The following ACACA variants were observed in gnomAD, a reference collection of about 807,000 sequenced individuals.
ACACA encodes the protein acetyl-CoA carboxylase alpha.
In ACACA, 103 loss-of-function variants were observed where a neutral mutation model predicts 296.1. The ratio of observed to expected loss-of-function variants is 0.35; its 90% CI spans 0.30 to 0.41. The LOEUF is 0.41. Among genes scored for constraint, ACACA ranks in the 10% least tolerant of loss-of-function variants. ACACA has a pLI of 1.00. For synonymous variants in ACACA, 953 were observed against 1,038.6 expected (o/e 0.92, Z 1.58); for missense variants, 1,554 against 2,989.7 (o/e 0.52, Z 11.20).
At chr17:37,236,862 A>C (rs914197073) in intron 24 of ACACA, among the ~76,000 whole-genome samples, 5 of 152,140 alleles carry the variant, frequency 3.3e-5, no homozygotes, top group Non-Finnish European at 7.4e-5. Flanking sequence ...AAAACAAAAC[A>C]AAACAGTTTA....
At chr17:37,226,677 T>C (rs1184561426) in intron 25 of ACACA, among the ~76,000 whole-genome samples, 1 of 152,218 alleles carries the variant, frequency 6.6e-6, no homozygotes, top group South Asian at 2.1e-4. Flanking sequence ...ATTCCTAATG[T>C]ATTTCCTTAT....
rs200503764 is a variant in ACACA at position 37,377,876 on chromosome 17, C to T, written c.38+28386G>A. 1.0e-4 allele frequency: 163 copies of T among 1,613,246 alleles called. No individual in the cohort carries two copies. In the African/African-American group the frequency reaches 1.8e-3, roughly 18 times the overall value. Reference sequence around the variant, plus strand: ...CCCCTCCTCCCCCTCTGCTCACCCCCAGACCTCAGAGATAGCAGTTGCCGA... The same window carrying T: ...CCCCTCCTCCCCCTCTGCTCACCCCTAGACCTCAGAGATAGCAGTTGCCGA... On this transcript the variant is annotated intron_variant, in intron 1 of 55. Coordinates refer to ENST00000616317, the MANE Select transcript of ACACA (RefSeq NM_198834.3).
At chr17:37,112,598 T>C (rs1305731858) in intron 51 of ACACA, among the ~76,000 whole-genome samples, 1 of 152,134 alleles carries the variant, frequency 6.6e-6, no homozygotes, top group Admixed American at 6.5e-5. Flanking sequence ...AAGTACAGAA[T>C]GTAAATAATA....
At chr17:37,310,274 A>G (rs1324990342) in intron 3 of ACACA, among the ~76,000 whole-genome samples, 1 of 152,178 alleles carries the variant, frequency 6.6e-6, no homozygotes, top group Non-Finnish European at 1.5e-5. Context: ...TGGTTTGAGC[A>G]GAGTGGCTGG....
Position 37,330,389 on chromosome 17 carries a change from G to A in ACACA, c.122C>T (p.Pro41Leu). 3 of 1,614,184 alleles carry A rather than the reference G, an allele frequency of 1.9e-6. No individual in the cohort carries two copies. The highest frequency in any genetic ancestry group is 1.1e-5 in the South Asian group (1 of 91,086). Residue 41 changes from proline to leucine, a missense_variant, in exon 3 of 56, where the codon CCA becomes CTA. Coordinates refer to ENST00000616317, the MANE Select transcript of ACACA (RefSeq NM_198834.3). The stretch of plus-strand genomic sequence containing the variant: ...CTCCAGAGGTTGGGCCAAGGGAGAT[G>A]GTTCATCCATTATTCCTCCAAAATG... ...RAHFGGIMDE[P>L]SPLAQPLELN...
chr17:37,299,451 T>G (rs2083512193), intron 3 of ACACA: 2 of 1,581,282 alleles, frequency 1.3e-6, no homozygotes, highest in Non-Finnish European at 1.7e-6. Flanking sequence ...ATACTGTGCC[T>G]TCTGCCTGGC....
At chr17:37,337,338 C>T (rs897531735) in intron 2 of ACACA, among the ~76,000 whole-genome samples, 10 of 151,412 alleles carry the variant, frequency 6.6e-5, no homozygotes, top group African/African-American at 2.4e-4. Context: ...ATCGTTTGAG[C>T]CCAGGAGTTC....
At chr17:37,399,305 G>A (rs2051203592) in intron 1 of ACACA, among the ~76,000 whole-genome samples, 1 of 152,128 alleles carries the variant, frequency 6.6e-6, no homozygotes, top group Non-Finnish European at 1.5e-5. Context: ...GTGATAAGGA[G>A]TGGAGACAGA....
At chr17:37,208,445 C>T (rs1242316541) in intron 30 of ACACA, among the ~76,000 whole-genome samples, 1 of 152,132 alleles carries the variant, frequency 6.6e-6, no homozygotes, top group African/African-American at 2.4e-5. Flanking sequence ...ATTGGGGTTA[C>T]AGTTCTCCCT....
Position 37,113,298 on chromosome 17 carries a change from A to T in ACACA, c.6275-33T>A. The T allele has an allele frequency of 6.2e-7, 1 of 1,605,120 alleles. No homozygotes were observed. The highest frequency in any genetic ancestry group is 8.5e-7 in the Non-Finnish European group (1 of 1,172,892). ...GAATGAGACAAATTAGAAATCAAGA[A>T]ATTTCTCTTCCTCAAAGCAGTACTT... is the stretch of plus-strand genomic sequence containing the variant. On this transcript the variant is annotated intron_variant, in intron 50 of 55. Transcript: ENST00000616317. This position sits in a 1 kb window ranked among gnomAD's most constrained non-coding sequence, Gnocchi z 4.0.
intron 41 of ACACA, among the ~76,000 whole-genome samples, chr17:37,175,199 T>C (rs1372208910): frequency 1.3e-5 from 2 of 152,212 alleles, no homozygotes; most frequent in Non-Finnish European, 2.9e-5. Context: ...AGAATGCTAG[T>C]AACTTATTTC....
In ACACA at chr17:37,258,351, T is replaced by C. The variant is rs746760726; in HGVS notation, c.1523A>G (p.Tyr508Cys). 6.2e-7 allele frequency: 1 copy of C among 1,613,946 alleles called. No individual in the cohort carries two copies. Among genetic ancestry groups the C allele is most frequent in the Non-Finnish European group, 8.5e-7 (1 of 1,179,940 alleles). Reference sequence around the variant, plus strand: ...CATCATACGGATATCCTTGATTCTATATAGAGGAATCCCCATGGCAATCTG... The same window carrying C: ...CATCATACGGATATCCTTGATTCTACATAGAGGAATCCCCATGGCAATCTG... ...QLQIAMGIPL[Y>C]RIKDIRMMYG... The change falls in exon 13 of 56, where the codon TAT becomes TGT. Residue 508 changes from tyrosine (Y) to cysteine (C), a missense_variant. Coordinates refer to ENST00000616317, the MANE Select transcript of ACACA (RefSeq NM_198834.3).
At chr17:37,276,944 G>C (rs2082307312) in intron 7 of ACACA, 89 bp downstream of exon 7, 2 of 1,135,470 alleles carry the variant, frequency 1.8e-6, no homozygotes, top group African/African-American at 3.0e-5. Flanking sequence ...CCCAGCACAT[G>C]TTAAACAGAA....
At chr17:37,121,609 C>T in intron 49 of ACACA, 119 bp from the exon 50 acceptor site, 7 of 1,274,920 alleles carry the variant, frequency 5.5e-6, no homozygotes, top group Non-Finnish European at 6.7e-6. Flanking sequence ...TCAACAAAAA[C>T]TATTGTTCAT....
intron 35 of ACACA, among the ~76,000 whole-genome samples, chr17:37,194,404 C>T (rs1003285630): frequency 2.0e-5 from 3 of 152,110 alleles, no homozygotes; most frequent in African/African-American, 7.2e-5. Flanking sequence ...TCTCAACAAC[C>T]TCTAGGGGTA....
At chr17:37,236,296 T>G (rs2080107871) in intron 24 of ACACA, among the ~76,000 whole-genome samples, 1 of 152,184 alleles carries the variant, frequency 6.6e-6, no homozygotes, top group African/African-American at 2.4e-5. Flanking sequence ...AAGACACATT[T>G]AGACCAAAAG....
At chr17:37,211,423 C>G (rs143995640) in intron 29 of ACACA, among the ~76,000 whole-genome samples, 128 of 152,284 alleles carry the variant, frequency 8.4e-4, no homozygotes, top group African/African-American at 2.9e-3. Flanking sequence ...AAAAGATTTC[C>G]CCAACTGAAA....
Position 37,252,040 on chromosome 17 carries a change from C to T in ACACA, c.2046G>A (p.Arg682=). Residue 682 remains arginine, a synonymous_variant, in exon 16 of 56, where the codon CGG becomes CGA. Coordinates refer to ENST00000616317, the MANE Select transcript of ACACA (RefSeq NM_198834.3). ...AGTGAAGGAAGTTAGAGACGCTATT[C>T]CGCAGGCTCACATCTGCCACGTGGA... The part of the protein sequence containing the change: ...GALHVADVSL[R]NSVSNFLHSL... 1 of 1,614,180 alleles carries T rather than the reference C, an allele frequency of 6.2e-7. No individual in the cohort carries two copies. Among genetic ancestry groups the T allele is most frequent in the Non-Finnish European group, 8.5e-7 (1 of 1,180,026 alleles).
At chr17:37,121,938 C>T (rs1004704224) in intron 49 of ACACA, among the ~76,000 whole-genome samples, 3 of 152,148 alleles carry the variant, frequency 2.0e-5, no homozygotes, top group Non-Finnish European at 2.9e-5. Flanking sequence ...CTCCCTGACC[C>T]CTCACTTTCT....
Sources: allele counts gnomAD v4.1 joint callset (sites outside exome capture counted in the v4.1 genomes callset), GRCh38; gene constraint gnomAD v4.1.1; non-coding constraint Gnocchi (gnomAD v3.1); transcripts MANE v1.5; gene names NCBI Gene and HGNC (gene_info 2026-07-23, HGNC 2026-07-21).